PLCB1: variants seen among roughly 807,000 people sequenced by gnomAD.
PLCB1 encodes the protein phospholipase C beta 1, also known as 1-phosphatidylinositol 4,5-bisphosphate phosphodiesterase beta-1.
PLCB1 carries 46 observed loss-of-function variants against 161.8 expected under a neutral mutation model. The ratio of observed to expected loss-of-function variants is 0.28; its 90% CI spans 0.22 to 0.36. PLCB1 has a LOEUF of 0.36. PLCB1 is among the 10% of genes least tolerant of loss of function. The pLI is 1.00. For missense variants in PLCB1, 1,016 were observed against 1,472.5 expected, an observed-to-expected ratio of 0.69 and a Z score of 5.07; for synonymous variants, 517 against 503.7, an observed-to-expected ratio of 1.03 and a Z score of -0.35.
intron 3 of PLCB1, among the ~76,000 whole-genome samples, chr20:8,572,693 C>A (rs1986558886): frequency 6.6e-6 from 1 of 152,142 alleles, no homozygotes; most frequent in Admixed American, 6.5e-5. Context: ...ATTGTTCGAT[C>A]AGACTTCAGT....
chr20:8,662,034 A>G (rs1287752697), intron 9 of PLCB1, among the ~76,000 whole-genome samples: 2 of 83,752 alleles, frequency 2.4e-5, no homozygotes, highest in Non-Finnish European at 4.4e-5. Flanking sequence ...ACAATTATTT[A>G]TTATATAATT....
At chr20:8,872,938 A>G (rs55692538) in intron 31 of PLCB1, among the ~76,000 whole-genome samples, 1,887 of 152,226 alleles carry the variant, frequency 0.012, 31 homozygotes, top group African/African-American at 0.038. Flanking sequence ...TTCCTTTGTT[A>G]TTTCTGCGAC....
chr20:8,777,484 C>T (rs1000166073), intron 27 of PLCB1, among the ~76,000 whole-genome samples: 18 of 151,940 alleles, frequency 1.2e-4, no homozygotes, highest in Middle Eastern at 3.4e-3. Flanking sequence ...TTTGGGATGC[C>T]GAGGCAGGTG....
At chr20:8,857,938 A>G (rs896058656) in intron 31 of PLCB1, among the ~76,000 whole-genome samples, 1 of 152,088 alleles carries the variant, frequency 6.6e-6, no homozygotes, top group African/African-American at 2.4e-5. Context: ...TGGTCTTCTC[A>G]TTACTTCATA....
chr20:8,849,533 G>A (rs956169838), intron 31 of PLCB1, among the ~76,000 whole-genome samples: 1 of 151,948 alleles, frequency 6.6e-6, no homozygotes, highest in African/African-American at 2.4e-5. Context: ...AAAATTAGTA[G>A]GGCATGATGG....
intron 2 of PLCB1, among the ~76,000 whole-genome samples, chr20:8,331,891 A>G (rs1245305713): frequency 1.3e-5 from 2 of 152,232 alleles, no homozygotes; most frequent in Non-Finnish European, 2.9e-5. Flanking sequence ...GGTAATACAC[A>G]TCAAAGCAGC....
At chr20:8,517,205 T>G (rs937384494) in intron 3 of PLCB1, among the ~76,000 whole-genome samples, 2 of 152,078 alleles carry the variant, frequency 1.3e-5, no homozygotes, top group African/African-American at 2.4e-5. Flanking sequence ...AGCTAGACAC[T>G]GAGGGGGCCT....
intron 3 of PLCB1, among the ~76,000 whole-genome samples, chr20:8,582,427 G>A (rs1034531799): frequency 3.7e-4 from 56 of 152,102 alleles, no homozygotes; most frequent in African/African-American, 1.3e-3. Context: ...GGACAGCACC[G>A]TGGTACCATT....
intron 24 of PLCB1, among the ~76,000 whole-genome samples, chr20:8,759,688 C>T (rs537953152): frequency 5.3e-5 from 8 of 151,906 alleles, no homozygotes; most frequent in East Asian, 3.9e-4. Flanking sequence ...TTAGTAGAGA[C>T]GGGGTTTCGC....
intron 3 of PLCB1, among the ~76,000 whole-genome samples, chr20:8,531,575 C>T (rs1984818102): frequency 6.6e-6 from 1 of 152,004 alleles, no homozygotes; most frequent in African/African-American, 2.4e-5. Flanking sequence ...ATCTATCCTC[C>T]AAGATATGTA....
intron 31 of PLCB1, among the ~76,000 whole-genome samples, chr20:8,841,560 T>C (rs778421851): frequency 2.0e-5 from 3 of 152,226 alleles, no homozygotes; most frequent in Non-Finnish European, 4.4e-5. Context: ...TATCAAGTTT[T>C]TTCTGCCTTC....
chr20:8,870,766 A>C (rs1987581879), intron 31 of PLCB1, among the ~76,000 whole-genome samples: 1 of 152,190 alleles, frequency 6.6e-6, no homozygotes, highest in Non-Finnish European at 1.5e-5. Context: ...CCTTATCAAC[A>C]CTTTGAATCT....
In PLCB1 at chr20:8,883,218, C is replaced by T. The variant is rs1483681282; in HGVS notation, c.*1369C>T. On this transcript the variant is annotated 3_prime_UTR_variant, in exon 32 of 32. Transcript: ENST00000338037. Reference sequence around the variant, plus strand: ...AATATGGACATTTATTAGTATCTTCCATAATTTTTAAGTCTGACACATTTC... The same window carrying T: ...AATATGGACATTTATTAGTATCTTCTATAATTTTTAAGTCTGACACATTTC... 6.6e-6 allele frequency: 1 copy of T among 151,916 alleles called. No individual in the cohort carries two copies. Among genetic ancestry groups the T allele is most frequent in the African/African-American group, 2.4e-5 (1 of 41,370 alleles). The allele number at this position is 151,916 out of a possible 1,614,324, so 9.4% of individuals were successfully genotyped here.
intron 9 of PLCB1, among the ~76,000 whole-genome samples, chr20:8,673,390 C>G (rs1473302906): frequency 6.6e-6 from 1 of 152,188 alleles, no homozygotes; most frequent in Non-Finnish European, 1.5e-5. Context: ...CTTTTCCAGT[C>G]TATTTTGATA....
intron 3 of PLCB1, among the ~76,000 whole-genome samples, chr20:8,517,433 A>T (rs1984175855): frequency 6.6e-6 from 1 of 152,186 alleles, no homozygotes. Context: ...ATGGGGTTTT[A>T]TTAAGGCTCA....
chr20:8,285,705 A>G (rs1325868156), intron 2 of PLCB1, among the ~76,000 whole-genome samples: 1 of 152,082 alleles, frequency 6.6e-6, no homozygotes, highest in Non-Finnish European at 1.5e-5. Flanking sequence ...CAGGAAGATG[A>G]GCCATAGTTT....
At chr20:8,334,360 T>C (rs1985487517) in intron 2 of PLCB1, among the ~76,000 whole-genome samples, 1 of 152,258 alleles carries the variant, frequency 6.6e-6, no homozygotes, top group Non-Finnish European at 1.5e-5. Context: ...CTCATAGATT[T>C]ATAAGCATTA....
chr20:8,342,588 G>A (rs763877455), intron 2 of PLCB1, among the ~76,000 whole-genome samples: 14 of 152,112 alleles, frequency 9.2e-5, no homozygotes, highest in South Asian at 2.1e-4. Flanking sequence ...CTCCCAACTT[G>A]GTAGTGCTCC....
chr20:8,157,374 A>G lies in PLCB1; in HGVS notation c.177+7003A>G, dbSNP rs1223594819. 4.6e-5 allele frequency among the ~76,000 whole-genome samples: 7 copies of G among 152,316 alleles called. No homozygotes were observed. In the East Asian group the frequency reaches 1.4e-3, roughly 29 times the overall value. ...AGATAGTCACTTTAGGATTGTGACA[A>G]CTACATGGGCATCAGGCCACTCCTC... On this transcript the variant is annotated intron_variant, in intron 2 of 31. Coordinates refer to ENST00000338037, the MANE Select transcript of PLCB1 (RefSeq NM_015192.4).
Sources: gnomAD v4.1 joint callset for allele counts (sites outside exome capture counted in the v4.1 genomes callset) on GRCh38, gnomAD v4.1.1 for gene constraint, MANE v1.5 for transcripts, NCBI Gene and HGNC (gene_info 2026-07-23, HGNC 2026-07-21) for gene names.